OPRM1: variants seen among roughly 807,000 people sequenced by gnomAD.
OPRM1 encodes the protein mu-type opioid receptor.
Under a neutral mutation model 31.8 loss-of-function variants are expected in OPRM1, and 27 were observed. The ratio of observed to expected loss-of-function variants is 0.85; its 90% CI spans 0.63 to 1.17. The LOEUF (loss-of-function observed/expected upper bound fraction) is 1.17, where lower values mean the gene tolerates loss of function less well. Ranked by LOEUF, OPRM1 falls within the 50% of genes most tolerant of loss-of-function variation. OPRM1 has a pLI of 0.00. For missense variants in OPRM1, 536 were observed against 511.1 expected (o/e 1.05, Z -0.47); for synonymous variants, 196 against 189.9 (o/e 1.03, Z -0.26).
At chr6:154,239,036 C>G (rs906503435) in intron 3 of OPRM1, among the ~76,000 whole-genome samples, 1 of 151,980 alleles carries the variant, frequency 6.6e-6, no homozygotes, top group African/African-American at 2.4e-5. Flanking sequence ...CTGCTGTGAG[C>G]TAAGAAGACT....
chr6:154,199,652 T>C, intron 3 of OPRM1: 1 of 1,569,352 alleles, frequency 6.4e-7, no homozygotes. Context: ...GAAGAATAAA[T>C]AATTTATTGG....
intron 1 of OPRM1, among the ~76,000 whole-genome samples, chr6:154,076,522 A>G (rs188864495): frequency 1.3e-5 from 2 of 152,320 alleles, no homozygotes. Flanking sequence ...ATCATTCATA[A>G]TATTGGTAGA....
chr6:154,174,712 C>A (rs959770815), intron 3 of OPRM1, among the ~76,000 whole-genome samples: 2 of 152,104 alleles, frequency 1.3e-5, no homozygotes, highest in East Asian at 1.9e-4. Context: ...GACTCTCACA[C>A]AATAATAATG....
At chr6:154,191,270 G>T (rs1181085258) in intron 3 of OPRM1, among the ~76,000 whole-genome samples, 2 of 152,218 alleles carry the variant, frequency 1.3e-5, no homozygotes, top group Non-Finnish European at 1.5e-5. Flanking sequence ...ATGGAGCACA[G>T]GGGATATTTT....
chr6:154,096,522 C>T (rs1421435595), intron 3 of OPRM1, among the ~76,000 whole-genome samples: 1 of 151,598 alleles, frequency 6.6e-6, no homozygotes, highest in Non-Finnish European at 1.5e-5. Context: ...TGGCAAAAAC[C>T]GCAATTATTT....
At chr6:154,104,859 C>T (rs1397444410) in intron 3 of OPRM1, among the ~76,000 whole-genome samples, 1 of 152,210 alleles carries the variant, frequency 6.6e-6, no homozygotes, top group Non-Finnish European at 1.5e-5. Flanking sequence ...TTTGTACCCT[C>T]AAATACCTAT....
chr6:154,013,370 A>G (rs1777833077), intron 1 of OPRM1, among the ~76,000 whole-genome samples: 1 of 152,122 alleles, frequency 6.6e-6, no homozygotes, highest in Non-Finnish European at 1.5e-5. Context: ...AAACTGAGAA[A>G]TTCTATAAGC....
At chr6:154,051,618 C>T (rs1464910903) in intron 1 of OPRM1, among the ~76,000 whole-genome samples, 1 of 152,162 alleles carries the variant, frequency 6.6e-6, no homozygotes, top group East Asian at 1.9e-4. Flanking sequence ...CAAATCAAAA[C>T]TACAATGAGA....
chr6:154,224,778 C>T (rs1779126357), intron 3 of OPRM1, among the ~76,000 whole-genome samples: 1 of 152,094 alleles, frequency 6.6e-6, no homozygotes. Context: ...CTTCTTTAAA[C>T]ATTATATATG....
At chr6:154,198,493 A>C (rs1776804532) in intron 3 of OPRM1, among the ~76,000 whole-genome samples, 1 of 152,220 alleles carries the variant, frequency 6.6e-6, no homozygotes, top group Admixed American at 6.5e-5. Flanking sequence ...GAAGTATAAG[A>C]AAAATGCCAT....
rs150698218 is a variant in OPRM1, at chr6:154,013,174, C to T, written c.-1+2156C>T. On this transcript the variant is annotated intron_variant, in intron 1 of 5. Transcript: ENST00000434900. ...CCTTGAGCCTCAAACATTTTGATTC[C>T]TGCTTTTTAAATGTATCCAATAATC... is the stretch of plus-strand genomic sequence containing the variant. 4.0e-4 allele frequency among the ~76,000 whole-genome samples: 61 copies of T among 152,234 alleles called. No homozygotes were observed. The East Asian group carries it at 7.5e-3, about 19-fold the overall frequency.
intron 3 of OPRM1, chr6:154,212,822 T>G: frequency 6.2e-7 from 1 of 1,613,754 alleles, no homozygotes; most frequent in Non-Finnish European, 8.5e-7. Flanking sequence ...CGCAGCTATT[T>G]CTGGATCTTC....
intron 3 of OPRM1, among the ~76,000 whole-genome samples, chr6:154,209,186 GTAT>G (rs1777754186): frequency 6.6e-6 from 1 of 152,094 alleles, no homozygotes; most frequent in African/African-American, 2.4e-5. Context: ...TTCCAAAATA[GTAT>G]TATTTTATAC....
At chr6:154,054,883 C>T (rs888859466) in intron 1 of OPRM1, among the ~76,000 whole-genome samples, 3 of 152,158 alleles carry the variant, frequency 2.0e-5, no homozygotes, top group Non-Finnish European at 2.9e-5. Context: ...CCTACTAGGT[C>T]GCCCACAAAA....
intron 3 of OPRM1, among the ~76,000 whole-genome samples, chr6:154,221,769 G>A (rs964956407): frequency 6.6e-6 from 1 of 152,136 alleles, no homozygotes; most frequent in African/African-American, 2.4e-5. Flanking sequence ...AGCTACCCGG[G>A]AGGCTGAGGC....
At chr6:154,181,884 T>C (rs1172451844) in intron 3 of OPRM1, among the ~76,000 whole-genome samples, 1 of 152,014 alleles carries the variant, frequency 6.6e-6, no homozygotes, top group Non-Finnish European at 1.5e-5. Flanking sequence ...CATAAATACA[T>C]GTGTACAAGA....
chr6:154,018,759 A>G (rs1207113461), intron 1 of OPRM1, among the ~76,000 whole-genome samples: 1 of 152,176 alleles, frequency 6.6e-6, no homozygotes, highest in Non-Finnish European at 1.5e-5. Context: ...TTATACGGAA[A>G]AACAAAGTGT....
Position 154,121,689 on chromosome 6 carries a change from C to A in OPRM1, c.*2968C>A, listed in dbSNP as rs558119342. Among the ~76,000 whole-genome samples, 1 of 152,240 alleles carries A rather than the reference C, an allele frequency of 6.6e-6. No homozygotes were observed. Among genetic ancestry groups the A allele is most frequent in the East Asian group, 1.9e-4 (1 of 5,182 alleles). On this transcript the variant is annotated 3_prime_UTR_variant, in exon 4 of 4. Transcript: ENST00000330432. ...CTGTTTCCCACATTGTCACAGCATG[C>A]CCTTTACATCTCAGGATCCAGGCAA...
chr6:154,241,234 C>CAA lies in OPRM1; in HGVS notation c.1165-5440_1165-5439dup, dbSNP rs11308882. On this transcript the variant is annotated intron_variant, in intron 3 of 3. Coordinates refer to the OPRM1 transcript ENST00000337049. ...CTAGCAACAAAGTGAGACTCCATCTCAAAAAAAAAAAAAAAAAAAAGAGAG... is the reference window on the plus strand; with the variant it reads ...CTAGCAACAAAGTGAGACTCCATCTCAAAAAAAAAAAAAAAAAAAAAAGAGAG... 2.5e-3 allele frequency among the ~76,000 whole-genome samples: 200 copies of CAA among 78,988 alleles called. 5 individuals are homozygous for CAA. Among genetic ancestry groups the CAA allele is most frequent in the African/African-American group, 7.4e-3 (156 of 20,960 alleles). The allele number at this position is 78,988 out of a possible 152,430, so 51.8% of individuals were successfully genotyped here.
Sources: gnomAD v4.1 joint callset for allele counts (sites outside exome capture counted in the v4.1 genomes callset) on GRCh38, gnomAD v4.1.1 for gene constraint, MANE v1.5 for transcripts, NCBI Gene and HGNC (gene_info 2026-07-23, HGNC 2026-07-21) for gene names.